The following CATSPERB variants were observed in gnomAD, a reference collection of about 807,000 sequenced individuals.
CATSPERB encodes catsper channel auxiliary subunit beta.
CATSPERB carries 93 observed loss-of-function variants against 128.3 expected under a neutral mutation model. The observed-to-expected ratio is 0.72, with a 90% CI of 0.61 to 0.86. The LOEUF is 0.86. Ranked by LOEUF, CATSPERB falls within the 40% of genes least tolerant of loss-of-function variation. The pLI, the probability that CATSPERB is intolerant of heterozygous loss-of-function variation, is 0.00. For synonymous variants in CATSPERB, 381 were observed against 448.8 expected, an observed-to-expected ratio of 0.85 and a Z score of 1.91; for missense variants, 1,153 against 1,329.5, an observed-to-expected ratio of 0.87 and a Z score of 2.06.
chr14:91,633,647 A>G (rs1175219783), intron 17 of CATSPERB, among the ~76,000 whole-genome samples: 1 of 152,160 alleles, frequency 6.6e-6, no homozygotes, highest in Non-Finnish European at 1.5e-5. Context: ...CATTAAATCC[A>G]CAATATAATT....
chr14:91,596,192 C>T (rs927947566), intron 22 of CATSPERB, among the ~76,000 whole-genome samples: 8 of 151,966 alleles, frequency 5.3e-5, no homozygotes, highest in African/African-American at 1.2e-4. Flanking sequence ...AGTCTGATAG[C>T]TAATTATAAA....
chr14:91,596,442 A>T (rs944832957), intron 22 of CATSPERB, among the ~76,000 whole-genome samples: 4 of 152,060 alleles, frequency 2.6e-5, no homozygotes, highest in Non-Finnish European at 1.5e-5. Flanking sequence ...TGACCTTGTG[A>T]TCCGCCCACC....
intron 5 of CATSPERB, among the ~76,000 whole-genome samples, chr14:91,717,178 A>G (rs192783654): frequency 6.6e-6 from 1 of 152,298 alleles, no homozygotes; most frequent in Non-Finnish European, 1.5e-5. Flanking sequence ...AAACAACAGG[A>G]ACAGAGAACA....
chr14:91,581,233 T>G, intron 26 of CATSPERB, 126 bp from the exon 27 acceptor site: 2 of 720,878 alleles, frequency 2.8e-6, no homozygotes, highest in Non-Finnish European at 4.6e-6. Context: ...ACATTCAGCA[T>G]CCACAAAGCT....
intron 7 of CATSPERB, among the ~76,000 whole-genome samples, chr14:91,695,510 A>G (rs1895548418): frequency 1.3e-5 from 2 of 152,214 alleles, no homozygotes; most frequent in Non-Finnish European, 2.9e-5. Flanking sequence ...AAAAAACACT[A>G]TTTAATGGAG....
At chr14:91,719,137 C>T (rs780349791) in intron 5 of CATSPERB, among the ~76,000 whole-genome samples, 12 of 151,936 alleles carry the variant, frequency 7.9e-5, no homozygotes, top group Non-Finnish European at 1.3e-4. Flanking sequence ...CTACAATTTC[C>T]AAGTTCTAAG....
intron 22 of CATSPERB, among the ~76,000 whole-genome samples, chr14:91,599,114 C>T (rs1047277670): frequency 1.3e-5 from 2 of 152,062 alleles, no homozygotes; most frequent in Non-Finnish European, 2.9e-5. Context: ...AGCAAATTGT[C>T]GTATTGGTTT....
chr14:91,702,399 T>C (rs1365021253), intron 7 of CATSPERB, among the ~76,000 whole-genome samples: 2 of 150,920 alleles, frequency 1.3e-5, no homozygotes, highest in East Asian at 4.0e-4. Flanking sequence ...AAAACCGCGA[T>C]TACTTTTGCA....
intron 19 of CATSPERB, among the ~76,000 whole-genome samples, chr14:91,620,012 A>C (rs1420190172): frequency 2.0e-5 from 3 of 151,798 alleles, no homozygotes; most frequent in Admixed American, 1.3e-4. Flanking sequence ...CTGGGATTAG[A>C]GGCATGAGAC....
chr14:91,649,211 A>T (rs895204686), intron 15 of CATSPERB, among the ~76,000 whole-genome samples: 5 of 152,042 alleles, frequency 3.3e-5, no homozygotes, highest in African/African-American at 1.2e-4. Context: ...ACTTTTGGTT[A>T]TTCTATTTTA....
At chr14:91,691,591 A>C (rs1236653331) in intron 9 of CATSPERB, 36 bp from the exon 10 acceptor site, 1 of 1,542,036 alleles carries the variant, frequency 6.5e-7, no homozygotes, top group Non-Finnish European at 8.9e-7. Flanking sequence ...TTTTGCTTGC[A>C]TATCAGAAGG....
At chr14:91,618,745 G>A (rs1053869671) in intron 19 of CATSPERB, among the ~76,000 whole-genome samples, 5 of 152,208 alleles carry the variant, frequency 3.3e-5, no homozygotes, top group African/African-American at 1.2e-4. Context: ...GAAATACTAT[G>A]TAGTCTAACT....
intron 17 of CATSPERB, among the ~76,000 whole-genome samples, chr14:91,632,487 A>G (rs115960302): frequency 0.011 from 1,687 of 152,270 alleles, 22 homozygotes; most frequent in African/African-American, 0.036. Context: ...GTCACTAAAT[A>G]CCAACAAAAT....
intron 22 of CATSPERB, chr14:91,592,231 G>A (rs551964097): frequency 4.0e-5 from 20 of 504,814 alleles, no homozygotes; most frequent in East Asian, 2.2e-4. Flanking sequence ...GCCGCTTGCC[G>A]TTCACCTCGT....
rs560814464 is a variant in CATSPERB at position 91,649,310 on chromosome 14, C to T, written c.1433-10060G>A. 2.0e-4 allele frequency among the ~76,000 whole-genome samples: 29 copies of T among 143,516 alleles called. No homozygotes were observed. In the South Asian group the frequency reaches 4.9e-3, roughly 24 times the overall value. The allele number at this position is 143,516 out of a possible 152,430, so 94.2% of individuals were successfully genotyped here. Reference sequence around the variant, plus strand: ...TTTCCTTTGCTTTAATACATATACACAAACTTAAATGTATACATATATGTG... The same window carrying T: ...TTTCCTTTGCTTTAATACATATACATAAACTTAAATGTATACATATATGTG... On this transcript the variant is annotated intron_variant, in intron 15 of 26. Coordinates refer to ENST00000256343, the MANE Select transcript of CATSPERB (RefSeq NM_024764.4).
chr14:91,654,264 A>G (rs1894752653), intron 15 of CATSPERB, among the ~76,000 whole-genome samples: 1 of 152,174 alleles, frequency 6.6e-6, no homozygotes, highest in Admixed American at 6.5e-5. Flanking sequence ...CAGCTTGGGT[A>G]CCAGCTTGGC....
chr14:91,714,674 C>T (rs1895906431), intron 5 of CATSPERB, among the ~76,000 whole-genome samples: 1 of 151,014 alleles, frequency 6.6e-6, no homozygotes, highest in African/African-American at 2.4e-5. Context: ...ATTCTCCTGC[C>T]TCAGCCTCTC....
At chr14:91,628,863 T>C (rs550847691) in intron 17 of CATSPERB, among the ~76,000 whole-genome samples, 1 of 152,316 alleles carries the variant, frequency 6.6e-6, no homozygotes, top group South Asian at 2.1e-4. Flanking sequence ...TCCAAAACAC[T>C]GACAACCCAA....
At chr14:91,655,231 A>G (rs1364043076) in intron 15 of CATSPERB, among the ~76,000 whole-genome samples, 1 of 152,224 alleles carries the variant, frequency 6.6e-6, no homozygotes, top group Non-Finnish European at 1.5e-5. Context: ...ACAAGCCCAG[A>G]CTGTGAAAAC....
Sources: gnomAD v4.1 joint callset for allele counts (sites outside exome capture counted in the v4.1 genomes callset) on GRCh38, gnomAD v4.1.1 for gene constraint, MANE v1.5 for transcripts, NCBI Gene and HGNC (gene_info 2026-07-23, HGNC 2026-07-21) for gene names.